Variants in BCKDHB observed in about 807,000 individuals in gnomAD.
The protein encoded by BCKDHB is branched chain keto acid dehydrogenase E1 subunit beta.
A neutral mutation model predicts 48.5 loss-of-function variants in BCKDHB; 41 were observed. The ratio of observed to expected loss-of-function variants is 0.85; its 90% CI spans 0.66 to 1.10. BCKDHB has a LOEUF of 1.10. BCKDHB is among the 50% of genes least tolerant of loss of function. The pLI is 0.00. For missense variants in BCKDHB, 496 were observed against 494.2 expected (o/e 1.00, Z -0.03); for synonymous variants, 201 against 174.8 (o/e 1.15, Z -1.18).
At chr6:80,390,405 T>A in the BCKDHB span, among the ~76,000 whole-genome samples, 1 of 152,232 alleles carries the variant, frequency 6.6e-6, no homozygotes, top group Non-Finnish European at 1.5e-5. Context: ...TAGTCATCAA[T>A]ACCAGCTATG....
intron 8 of BCKDHB, among the ~76,000 whole-genome samples, chr6:80,211,148 T>G (rs1774914921): frequency 1.3e-5 from 2 of 152,108 alleles, no homozygotes; most frequent in African/African-American, 2.4e-5. Context: ...AAAAAAGAAC[T>G]GAAGCACAAT....
chr6:80,416,433 T>A, the BCKDHB span, among the ~76,000 whole-genome samples: 2 of 152,074 alleles, frequency 1.3e-5, no homozygotes, highest in East Asian at 3.9e-4. Flanking sequence ...TAAATTTCCC[T>A]CTCAACACTG....
At chr6:80,181,037 C>T (rs570702938) in intron 6 of BCKDHB, among the ~76,000 whole-genome samples, 6 of 152,116 alleles carry the variant, frequency 3.9e-5, no homozygotes, top group Non-Finnish European at 8.8e-5. Context: ...CATCTTTCCC[C>T]ACAGGCAACA....
intron 3 of BCKDHB, among the ~76,000 whole-genome samples, chr6:80,150,599 C>T (rs956220561): frequency 7.7e-5 from 11 of 143,696 alleles, no homozygotes; most frequent in African/African-American, 2.9e-4. Flanking sequence ...CTCTGTCATC[C>T]AGGCTGGAGT....
At chr6:80,225,708 G>A (rs2127872706) in intron 8 of BCKDHB, among the ~76,000 whole-genome samples, 1 of 152,284 alleles carries the variant, frequency 6.6e-6, no homozygotes, top group South Asian at 2.1e-4. Context: ...CAACATGATA[G>A]TGCTTTAATT....
At position 80,202,370 on chromosome 6, in the gene BCKDHB, CTATT is replaced by C. The variant is rs1428027849; in HGVS notation, c.841-729_841-726del. 2.0e-5 allele frequency among the ~76,000 whole-genome samples: 3 copies of C among 152,258 alleles called. No homozygotes were observed. In the East Asian group the frequency reaches 5.8e-4, roughly 29 times the overall value. ...TATTTAAAAAGTATGTTTCTCTTCA[CTATT>C]TAAAGATTCCTTTCTCCTTAAATAC... On this transcript the variant is annotated intron_variant, in intron 7 of 9. Transcript: ENST00000320393.
At chr6:80,228,701 A>G (rs1247506579) in intron 8 of BCKDHB, among the ~76,000 whole-genome samples, 1 of 152,154 alleles carries the variant, frequency 6.6e-6, no homozygotes, top group Non-Finnish European at 1.5e-5. Context: ...GTTTTGTGAT[A>G]GCCAGCCTTT....
the BCKDHB span, among the ~76,000 whole-genome samples, chr6:80,385,283 G>A: frequency 6.6e-6 from 1 of 152,168 alleles, no homozygotes; most frequent in Non-Finnish European, 1.5e-5. Context: ...AGCTGAAATT[G>A]TGAAAAAACA....
chr6:80,317,492 G>A (rs1230001661), intron 9 of BCKDHB, among the ~76,000 whole-genome samples: 1 of 152,038 alleles, frequency 6.6e-6, no homozygotes, highest in African/African-American at 2.4e-5. Flanking sequence ...CGCGCATCTC[G>A]CTGACCCTTC....
intron 9 of BCKDHB, among the ~76,000 whole-genome samples, chr6:80,306,364 A>G (rs939251719): frequency 6.6e-6 from 1 of 152,178 alleles, no homozygotes; most frequent in Admixed American, 6.6e-5. Flanking sequence ...TATTAGGGAG[A>G]TATTTTTCAA....
chr6:80,411,947 G>T, the BCKDHB span, among the ~76,000 whole-genome samples: 1 of 152,216 alleles, frequency 6.6e-6, no homozygotes, highest in Non-Finnish European at 1.5e-5. Flanking sequence ...CTTTGGCTCA[G>T]CCTCTGTGGG....
At chr6:80,216,282 G>C (rs1398007267) in intron 8 of BCKDHB, among the ~76,000 whole-genome samples, 1 of 152,142 alleles carries the variant, frequency 6.6e-6, no homozygotes, top group African/African-American at 2.4e-5. Flanking sequence ...TGAGAGTTTT[G>C]CTGATCAAAT....
chr6:80,397,877 C>T, the BCKDHB span, among the ~76,000 whole-genome samples: 1 of 152,064 alleles, frequency 6.6e-6, no homozygotes, highest in Admixed American at 6.6e-5. Flanking sequence ...GACTCTGTCT[C>T]AAAAACAAAC....
At chr6:80,213,271 T>G (rs1775020906) in intron 8 of BCKDHB, among the ~76,000 whole-genome samples, 1 of 152,324 alleles carries the variant, frequency 6.6e-6, no homozygotes, top group East Asian at 1.9e-4. Context: ...GACCTTGCAT[T>G]TGACTTTTCT....
the BCKDHB span, among the ~76,000 whole-genome samples, chr6:80,458,625 C>T: frequency 6.6e-6 from 1 of 152,250 alleles, no homozygotes; most frequent in South Asian, 2.1e-4. Flanking sequence ...AGAAATCCCT[C>T]ATGGAGTTGT....
intron 9 of BCKDHB, among the ~76,000 whole-genome samples, chr6:80,316,910 A>G (rs1768477085): frequency 6.6e-6 from 1 of 150,554 alleles, no homozygotes; most frequent in African/African-American, 2.5e-5. Context: ...AGTTGGCTCA[A>G]ATCAGGCTTC....
intron 9 of BCKDHB, among the ~76,000 whole-genome samples, chr6:80,342,239 T>C (rs1350095906): frequency 6.6e-6 from 1 of 152,138 alleles, no homozygotes; most frequent in African/African-American, 2.4e-5. Context: ...AATTAAAATG[T>C]GAACATAGTA....
At chr6:80,185,169 A>T (rs1012443677) in intron 6 of BCKDHB, among the ~76,000 whole-genome samples, 2 of 152,040 alleles carry the variant, frequency 1.3e-5, no homozygotes, top group African/African-American at 2.4e-5. Context: ...CTTGTCTTTG[A>T]GCTCTGAAGT....
chr6:80,411,723 G>A, the BCKDHB span, among the ~76,000 whole-genome samples: 1 of 152,354 alleles, frequency 6.6e-6, no homozygotes. Flanking sequence ...ATCTCAGACT[G>A]CTGCGCTAGC....
Sources: gnomAD v4.1 joint callset for allele counts (sites outside exome capture counted in the v4.1 genomes callset) on GRCh38, gnomAD v4.1.1 for gene constraint, MANE v1.5 for transcripts, NCBI Gene and HGNC (gene_info 2026-07-23, HGNC 2026-07-21) for gene names.